RSRC1: variants seen among roughly 807,000 people sequenced by gnomAD.
RSRC1 encodes serine/Arginine-related protein 53.
In RSRC1, 39 loss-of-function variants were observed where a neutral mutation model predicts 49.1. The ratio of observed to expected loss-of-function variants is 0.79; its 90% CI spans 0.61 to 1.04. RSRC1 has a LOEUF of 1.04. Ranked by LOEUF, RSRC1 falls within the 50% of genes least tolerant of loss-of-function variation. The pLI is 0.00. For missense variants in RSRC1, 388 were observed against 402.4 expected (o/e 0.96, Z 0.31); for synonymous variants, 143 against 130.8 (o/e 1.09, Z -0.63).
intron 5 of RSRC1, among the ~76,000 whole-genome samples, chr3:158,349,084 T>TTG (rs56923012): frequency 3.3e-5 from 5 of 152,102 alleles, no homozygotes; most frequent in African/African-American, 9.7e-5. Flanking sequence ...TCTTTTTTTT[T>TTG]GGGTAATGAG....
intron 7 of RSRC1, among the ~76,000 whole-genome samples, chr3:158,513,696 T>G (rs576309748): frequency 6.6e-6 from 1 of 152,182 alleles, no homozygotes; most frequent in Non-Finnish European, 1.5e-5. Context: ...GAATGGTACC[T>G]GTTCCTCGTT....
intron 6 of RSRC1, among the ~76,000 whole-genome samples, chr3:158,378,169 A>G (rs1732479828): frequency 6.6e-6 from 1 of 152,024 alleles, no homozygotes; most frequent in Non-Finnish European, 1.5e-5. Flanking sequence ...TTTGTTTTTT[A>G]TATTTTATTT....
At chr3:158,218,074 G>A (rs954506680) in intron 4 of RSRC1, among the ~76,000 whole-genome samples, 8 of 151,350 alleles carry the variant, frequency 5.3e-5, no homozygotes, top group Non-Finnish European at 1.2e-4. Context: ...AGGAGGGGAA[G>A]CACTGTCTGA....
chr3:158,261,404 A>G (rs763196796), intron 4 of RSRC1, among the ~76,000 whole-genome samples: 1 of 152,148 alleles, frequency 6.6e-6, no homozygotes, highest in Admixed American at 6.5e-5. Flanking sequence ...TCACCTATAT[A>G]TATATTCCTT....
chr3:158,519,692 A>G (rs745764521), intron 7 of RSRC1, among the ~76,000 whole-genome samples: 81 of 152,156 alleles, frequency 5.3e-4, no homozygotes, highest in Non-Finnish European at 1.0e-3. Context: ...TTAAGAGGCC[A>G]ATTAAAAGTG....
intron 3 of RSRC1, among the ~76,000 whole-genome samples, chr3:158,151,056 T>A (rs1321972748): frequency 1.3e-5 from 2 of 152,234 alleles, no homozygotes; most frequent in Non-Finnish European, 2.9e-5. Context: ...CCTTTGAATG[T>A]GTAGGGGAGA....
chr3:158,379,130 T>C (rs1019446667), intron 6 of RSRC1, among the ~76,000 whole-genome samples: 2 of 152,054 alleles, frequency 1.3e-5, no homozygotes, highest in Non-Finnish European at 2.9e-5. Context: ...ACTAGTTCCA[T>C]TGTATTTTTA....
At chr3:158,465,224 A>C (rs1408103616) in intron 7 of RSRC1, among the ~76,000 whole-genome samples, 1 of 152,072 alleles carries the variant, frequency 6.6e-6, no homozygotes, top group Non-Finnish European at 1.5e-5. Context: ...AATGTAAGAT[A>C]CTCATAGTGT....
chr3:158,209,612 G>A (rs903142838), intron 4 of RSRC1, among the ~76,000 whole-genome samples: 2 of 151,970 alleles, frequency 1.3e-5, no homozygotes, highest in African/African-American at 4.8e-5. Flanking sequence ...AGTTTTCACC[G>A]TTATTATTTC....
chr3:158,456,174 A>G (rs1225710012), intron 6 of RSRC1, among the ~76,000 whole-genome samples: 3 of 151,940 alleles, frequency 2.0e-5, no homozygotes, highest in African/African-American at 7.3e-5. Context: ...TGCTCATGTC[A>G]CAGTATAATG....
intron 7 of RSRC1, among the ~76,000 whole-genome samples, chr3:158,530,236 A>G (rs988444055): frequency 6.6e-6 from 1 of 151,944 alleles, no homozygotes; most frequent in Non-Finnish European, 1.5e-5. Context: ...ACTTTTGTTT[A>G]TGCTGTGCTT....
intron 6 of RSRC1, among the ~76,000 whole-genome samples, chr3:158,452,599 T>C (rs758156964): frequency 6.6e-6 from 1 of 152,214 alleles, no homozygotes; most frequent in African/African-American, 2.4e-5. Context: ...TGAAATGCCA[T>C]AGTGTCTTGG....
At chr3:158,380,808 G>A (rs922776065) in intron 6 of RSRC1, among the ~76,000 whole-genome samples, 2 of 152,018 alleles carry the variant, frequency 1.3e-5, no homozygotes, top group African/African-American at 2.4e-5. Context: ...ATTATTACAT[G>A]TGTATTTTGA....
At chr3:158,155,237 A>G (rs1717789969) in intron 3 of RSRC1, among the ~76,000 whole-genome samples, 1 of 152,208 alleles carries the variant, frequency 6.6e-6, no homozygotes, top group African/African-American at 2.4e-5. Flanking sequence ...GATTCATCAG[A>G]GAAGTCACTA....
chr3:158,151,850 T>C (rs1389907002), intron 3 of RSRC1, among the ~76,000 whole-genome samples: 1 of 152,182 alleles, frequency 6.6e-6, no homozygotes, highest in Non-Finnish European at 1.5e-5. Context: ...TTAATTAAAA[T>C]ATACTAGGGT....
chr3:158,446,066 A>G (rs1736693487), intron 6 of RSRC1, among the ~76,000 whole-genome samples: 1 of 152,120 alleles, frequency 6.6e-6, no homozygotes, highest in Admixed American at 6.6e-5. Flanking sequence ...ACTTGAAAAT[A>G]TCTATTAATA....
intron 4 of RSRC1, among the ~76,000 whole-genome samples, chr3:158,261,097 T>C (rs1453362457): frequency 6.6e-6 from 1 of 152,234 alleles, no homozygotes; most frequent in Non-Finnish European, 1.5e-5. Context: ...TAATTTGCTG[T>C]TCCTGCCAGG....
At chr3:158,510,922 T>G (rs1463525462) in intron 7 of RSRC1, among the ~76,000 whole-genome samples, 1 of 152,198 alleles carries the variant, frequency 6.6e-6, no homozygotes, top group Non-Finnish European at 1.5e-5. Context: ...CCAACTACAA[T>G]GGTGAGAGTT....
At chr3:158,357,426 G>C (rs917384115) in intron 6 of RSRC1, among the ~76,000 whole-genome samples, 2 of 152,070 alleles carry the variant, frequency 1.3e-5, no homozygotes, top group African/African-American at 4.8e-5. Flanking sequence ...CGTTTTACTA[G>C]AATTGCTTTT....
Sources: allele counts gnomAD v4.1 joint callset (sites outside exome capture counted in the v4.1 genomes callset), GRCh38; gene constraint gnomAD v4.1.1; transcripts MANE v1.5; gene names NCBI Gene and HGNC (gene_info 2026-07-23, HGNC 2026-07-21).